Variants in GOSR1 observed in about 807,000 individuals in gnomAD.
GOSR1 encodes 28 kDa Golgi SNARE protein.
Under a neutral mutation model 35.5 loss-of-function variants are expected in GOSR1, and 21 were observed. That is an observed-to-expected ratio of 0.59 (90% CI 0.42 to 0.85). The LOEUF is 0.85. Among genes scored for constraint, GOSR1 ranks in the 40% least tolerant of loss-of-function variants. The probability of loss-of-function intolerance (pLI) is 0.00; values close to 1 mark genes in which losing one functional copy is unlikely to be tolerated. For missense variants in GOSR1, 285 were observed against 309.6 expected (o/e 0.92, Z 0.60); for synonymous variants, 94 against 106.6 (o/e 0.88, Z 0.73).
chr17:30,492,290 A>G (rs1398522212), intron 5 of GOSR1, among the ~76,000 whole-genome samples: 1 of 152,212 alleles, frequency 6.6e-6, no homozygotes, highest in Non-Finnish European at 1.5e-5. Context: ...TGTGAAAGAA[A>G]ACATTTCATT....
chr17:30,493,113 G>C (rs973901267), intron 6 of GOSR1, among the ~76,000 whole-genome samples: 1 of 151,822 alleles, frequency 6.6e-6, no homozygotes, highest in African/African-American at 2.4e-5. Flanking sequence ...TCCTGCCTCA[G>C]CCTCCCAAGT....
Position 30,502,657 on chromosome 17 carries a change from A to G in GOSR1, c.510-8223A>G, listed in dbSNP as rs140499217. Among the ~76,000 whole-genome samples, 1,129 of 152,350 alleles carry G rather than the reference A, an allele frequency of 7.4e-3. 8 individuals are homozygous for G. Among genetic ancestry groups the G allele is most frequent in the Non-Finnish European group, 0.011 (758 of 68,032 alleles). ...TGAAAATGTTTGTGCTAAACAACCC[A>G]TGAACAAAGCAAATAAAGATATTCC... is the stretch of plus-strand genomic sequence containing the variant. On this transcript the variant is annotated intron_variant, in intron 6 of 8. Coordinates refer to ENST00000451249, the MANE Select transcript of GOSR1 (RefSeq NM_001007025.2).
intron 7 of GOSR1, among the ~76,000 whole-genome samples, chr17:30,514,688 T>C (rs1045176701): frequency 6.6e-6 from 1 of 152,210 alleles, no homozygotes; most frequent in East Asian, 1.9e-4. Context: ...CTTTATCATT[T>C]TCTTCCCTCT....
chr17:30,498,450 G>A (rs940078372), intron 6 of GOSR1, among the ~76,000 whole-genome samples: 2 of 152,148 alleles, frequency 1.3e-5, no homozygotes, highest in Admixed American at 6.5e-5. Flanking sequence ...ATTATGATAT[G>A]CAAAGGTTTG....
intron 6 of GOSR1, among the ~76,000 whole-genome samples, chr17:30,496,703 A>G (rs1335072866): frequency 6.6e-6 from 1 of 152,232 alleles, no homozygotes; most frequent in Admixed American, 6.5e-5. Flanking sequence ...AACAATACCT[A>G]GCAAAGAGAA....
chr17:30,498,241 T>C (rs1055647140), intron 6 of GOSR1, among the ~76,000 whole-genome samples: 8 of 152,054 alleles, frequency 5.3e-5, no homozygotes, highest in Non-Finnish European at 8.8e-5. Flanking sequence ...ATATAATTTG[T>C]TGGTACCAGT....
rs1384008092 is a variant in GOSR1 at position 30,484,256 on chromosome 17, A to C, written c.189A>C (p.Arg63Ser). The change falls in exon 3 of 9, where the codon AGA (arginine) becomes AGC (serine). Residue 63 changes from arginine to serine, a missense_variant. By Grantham distance (110) the Arg-to-Ser change is moderately radical (BLOSUM62 -1). This residue lies in a region of GOSR1 where 108 missense variants were observed against 98.9 expected (regional missense o/e 1.09). Transcript: ENST00000451249. ...TPLLNGSSQD[R>S]MFETMAIEIE... is the part of the protein sequence containing the mutation. Reference sequence around the variant, plus strand: ...TTTTAAATGGATCAAGCCAAGACAGAATGTTTGAGACAATGGCGATTGAGA... The same window carrying C: ...TTTTAAATGGATCAAGCCAAGACAGCATGTTTGAGACAATGGCGATTGAGA... 3 of 1,612,332 alleles carry C rather than the reference A, an allele frequency of 1.9e-6. No homozygotes were observed. In the South Asian group the frequency reaches 3.3e-5, roughly 18 times the overall value.
At chr17:30,520,467 T>C (rs1967987225) in intron 8 of GOSR1, 1 of 152,946 alleles carries the variant, frequency 6.5e-6, no homozygotes, top group African/African-American at 2.4e-5. Flanking sequence ...CTATAGCTAC[T>C]GATGGAGTTT....
At position 30,504,180 on chromosome 17, in the gene GOSR1, C is replaced by T. The variant is rs1459736415; in HGVS notation, c.510-6700C>T. ...TAGCTGGGATTACAGGCGCCCGCCA[C>T]CACGCCCGTCTAATTTTTGTATTTT... is the stretch of plus-strand genomic sequence containing the variant. On this transcript the variant is annotated intron_variant, in intron 6 of 8. Transcript: ENST00000451249. 1.3e-5 allele frequency among the ~76,000 whole-genome samples: 2 copies of T among 152,054 alleles called. 1 individual carries two copies. The highest frequency in any genetic ancestry group is 4.8e-5 in the African/African-American group (2 of 41,400).
intron 6 of GOSR1, among the ~76,000 whole-genome samples, chr17:30,499,864 G>A (rs565512763): frequency 6.6e-6 from 1 of 152,260 alleles, no homozygotes; most frequent in Non-Finnish European, 1.5e-5. Flanking sequence ...TTGTGGTTTT[G>A]ATTTGTATTT....
chr17:30,521,520 A>C (rs1403031741), intron 8 of GOSR1, among the ~76,000 whole-genome samples: 2 of 151,648 alleles, frequency 1.3e-5, no homozygotes, highest in Non-Finnish European at 2.9e-5. Context: ...AGTATACTGG[A>C]ACCTAGCATA....
At chr17:30,505,996 C>T (rs1490237676) in intron 6 of GOSR1, among the ~76,000 whole-genome samples, 1 of 152,166 alleles carries the variant, frequency 6.6e-6, no homozygotes, top group East Asian at 1.9e-4. Context: ...TCCCAAAGTG[C>T]TAGGATTACA....
chr17:30,508,260 CATTT>C (rs1428228675), intron 6 of GOSR1, among the ~76,000 whole-genome samples: 1 of 150,800 alleles, frequency 6.6e-6, no homozygotes, highest in Non-Finnish European at 1.5e-5. Context: ...TAGTTTATTT[CATTT>C]ATTTTATCTT....
chr17:30,494,624 T>C (rs1336136618), intron 6 of GOSR1, among the ~76,000 whole-genome samples: 1 of 152,164 alleles, frequency 6.6e-6, no homozygotes, highest in African/African-American at 2.4e-5. Context: ...TCTTTTTTCT[T>C]TAAGACAGAG....
Position 30,490,098 on chromosome 17 carries a change from G to T in GOSR1, c.343-28G>T, listed in dbSNP as rs370347276. The T allele has an allele frequency of 7.1e-5, 71 of 1,006,124 alleles. No homozygotes were observed. In the African/African-American group the frequency reaches 1.0e-3, roughly 15 times the overall value. The allele number at this position is 1,006,124 out of a possible 1,614,324, so 62.3% of individuals were successfully genotyped here. On this transcript the variant is annotated intron_variant, in intron 4 of 8. Coordinates refer to ENST00000451249, the MANE Select transcript of GOSR1 (RefSeq NM_001007025.2). ...AGATGAAAATCCATAATTAGCTTCT[G>T]TTGAGACTGGATGTTGATTTATTAC...
At chr17:30,507,506 C>T (rs1216937235) in intron 6 of GOSR1, among the ~76,000 whole-genome samples, 6 of 152,040 alleles carry the variant, frequency 3.9e-5, no homozygotes, top group African/African-American at 7.2e-5. Flanking sequence ...GCGGATCACC[C>T]GAGGTGAGGA....
chr17:30,517,900 G>A (rs1967881658), intron 7 of GOSR1, among the ~76,000 whole-genome samples: 1 of 152,104 alleles, frequency 6.6e-6, no homozygotes, highest in African/African-American at 2.4e-5. Flanking sequence ...GACCTTACCT[G>A]GCCAAAAATG....
intron 4 of GOSR1, among the ~76,000 whole-genome samples, chr17:30,486,312 T>C (rs1394842332): frequency 6.6e-6 from 1 of 151,734 alleles, no homozygotes; most frequent in Non-Finnish European, 1.5e-5. Flanking sequence ...AGGTCAGGAG[T>C]TGGAGACCAG....
intron 2 of GOSR1, among the ~76,000 whole-genome samples, chr17:30,482,013 A>C (rs1346573134): frequency 6.6e-6 from 1 of 152,064 alleles, no homozygotes; most frequent in East Asian, 1.9e-4. Context: ...AATATTTAAG[A>C]CAGTTACAAA....
Sources: gnomAD v4.1 joint callset for allele counts (sites outside exome capture counted in the v4.1 genomes callset) on GRCh38, gnomAD v4.1.1 for gene constraint, gnomAD v4.1.1 regional missense constraint, MANE v1.5 for transcripts, NCBI Gene and HGNC (gene_info 2026-07-23, HGNC 2026-07-21) for gene names.